The following ATP1B3 variants were observed in gnomAD, a reference collection of about 807,000 sequenced individuals.
The protein encoded by ATP1B3 is ATPase Na+/K+ transporting subunit beta 3.
A neutral mutation model predicts 30.2 loss-of-function variants in ATP1B3; 10 were observed. The ratio of observed to expected loss-of-function variants is 0.33; its 90% CI spans 0.20 to 0.56. The LOEUF (loss-of-function observed/expected upper bound fraction) is 0.56, where lower values mean the gene tolerates loss of function less well. ATP1B3 is among the 20% of genes least tolerant of loss of function. The probability of loss-of-function intolerance (pLI) is 0.90; values close to 1 mark genes in which losing one functional copy is unlikely to be tolerated. For missense variants in ATP1B3, 238 were observed against 336.7 expected (o/e 0.71, Z 2.29); for synonymous variants, 113 against 117.0 (o/e 0.97, Z 0.22).
intron 6 of ATP1B3, among the ~76,000 whole-genome samples, chr3:141,923,990 T>C (rs1295814023): frequency 2.6e-5 from 4 of 152,090 alleles, no homozygotes. Context: ...ATGAGCGAGG[T>C]TTCTACAATA....
chr3:141,888,925 C>G (rs561201729), intron 1 of ATP1B3, among the ~76,000 whole-genome samples: 1 of 152,132 alleles, frequency 6.6e-6, no homozygotes, highest in African/African-American at 2.4e-5. Context: ...TATAAATTAT[C>G]CAGTCTCTGA....
intron 1 of ATP1B3, among the ~76,000 whole-genome samples, chr3:141,887,308 C>T (rs1369630790): frequency 6.6e-6 from 1 of 152,170 alleles, no homozygotes; most frequent in East Asian, 1.9e-4. Flanking sequence ...GAAATCTGAA[C>T]TGGTCTTAAA....
chr3:141,902,141 C>T (rs763213011), intron 1 of ATP1B3: 46 of 1,289,552 alleles, frequency 3.6e-5, no homozygotes, highest in Non-Finnish European at 3.4e-5. Flanking sequence ...AACAGGATCG[C>T]AGTATGTGGT....
chr3:141,876,877 G>A lies in ATP1B3; in HGVS notation c.76G>A (p.Gly26Arg). The change falls in exon 1 of 7, where the codon GGA (glycine) becomes AGA (arginine). Residue 26 changes from glycine to arginine, a missense_variant. This residue lies in a region of ATP1B3 where 130 missense variants were observed against 148.8 expected (regional missense o/e 0.87). Coordinates refer to ENST00000286371, the MANE Select transcript of ATP1B3 (RefSeq NM_001679.4). ...WKLFIYNPTT[G>R]EFLGRTAKSW... ...GCTCTTCATCTACAACCCGACCACC[G>A]GAGAATTCCTGGGGCGCACCGCCAA... The A allele has an allele frequency of 5.1e-6, 8 of 1,581,784 alleles. No individual in the cohort carries two copies. The highest frequency in any genetic ancestry group is 6.9e-6 in the Non-Finnish European group (8 of 1,164,238).
At chr3:141,912,473 G>C (rs891861761) in intron 3 of ATP1B3, among the ~76,000 whole-genome samples, 4 of 151,960 alleles carry the variant, frequency 2.6e-5, no homozygotes, top group African/African-American at 9.7e-5. Context: ...ATCTTGGCCA[G>C]GCTGGTCTTG....
intron 1 of ATP1B3, among the ~76,000 whole-genome samples, chr3:141,895,314 G>A (rs1003818024): frequency 1.3e-5 from 2 of 150,506 alleles, no homozygotes; most frequent in African/African-American, 2.4e-5. Flanking sequence ...TCAGCCTCCC[G>A]AGTAGCTAGG....
chr3:141,895,268 A>G (rs1005314827), intron 1 of ATP1B3, among the ~76,000 whole-genome samples: 1 of 148,602 alleles, frequency 6.7e-6, no homozygotes, highest in African/African-American at 2.5e-5. Flanking sequence ...AGCTCGCTGC[A>G]ACCTCTGCCT....
At chr3:141,919,394 G>T (rs906235778) in intron 5 of ATP1B3, among the ~76,000 whole-genome samples, 3 of 151,692 alleles carry the variant, frequency 2.0e-5, no homozygotes, top group African/African-American at 7.3e-5. Context: ...TGGAATTACA[G>T]GTGTGAACCA....
chr3:141,899,742 G>T (rs1322426454), intron 1 of ATP1B3, among the ~76,000 whole-genome samples: 2 of 152,150 alleles, frequency 1.3e-5, no homozygotes, highest in African/African-American at 2.4e-5. Context: ...GGTGACACAT[G>T]CCTGTAATCC....
intron 1 of ATP1B3, among the ~76,000 whole-genome samples, chr3:141,886,712 G>C (rs1933841144): frequency 6.6e-6 from 1 of 152,100 alleles, no homozygotes; most frequent in Non-Finnish European, 1.5e-5. Flanking sequence ...AAAGAAAAAA[G>C]TTCAGCCAGA....
chr3:141,877,157 C>T (rs1479523107), intron 1 of ATP1B3, among the ~76,000 whole-genome samples: 2 of 150,960 alleles, frequency 1.3e-5, no homozygotes, highest in African/African-American at 2.4e-5. Context: ...GCTGGTTCCT[C>T]CCTCCCTGCT....
chr3:141,895,784 A>G (rs1201561330), intron 1 of ATP1B3, among the ~76,000 whole-genome samples: 3 of 152,270 alleles, frequency 2.0e-5, no homozygotes, highest in East Asian at 1.9e-4. Flanking sequence ...AAAATTGTCA[A>G]ACTTTTCTTT....
intron 1 of ATP1B3, among the ~76,000 whole-genome samples, chr3:141,889,824 C>T (rs1389407000): frequency 1.5e-5 from 2 of 135,858 alleles, no homozygotes; most frequent in East Asian, 5.5e-4. Context: ...TGTGTATATA[C>T]ATATACATAT....
At chr3:141,912,695 A>T (rs1934388432) in intron 3 of ATP1B3, among the ~76,000 whole-genome samples, 1 of 152,188 alleles carries the variant, frequency 6.6e-6, no homozygotes. Flanking sequence ...GATTAAGTTA[A>T]TTGAGGGCAG....
intron 1 of ATP1B3, among the ~76,000 whole-genome samples, chr3:141,886,490 C>T (rs1933837109): frequency 6.6e-6 from 1 of 152,126 alleles, no homozygotes; most frequent in African/African-American, 2.4e-5. Flanking sequence ...TGGCTCTGCT[C>T]TACTACATTT....
intron 1 of ATP1B3, among the ~76,000 whole-genome samples, chr3:141,897,014 T>A (rs1477730804): frequency 6.6e-6 from 1 of 152,142 alleles, no homozygotes; most frequent in East Asian, 1.9e-4. Context: ...TCCTGTAACC[T>A]TTCACCAACC....
At chr3:141,917,766 ATTTTATTTTT>A (rs1934492723) in intron 5 of ATP1B3, among the ~76,000 whole-genome samples, 1 of 149,234 alleles carries the variant, frequency 6.7e-6, no homozygotes, top group Non-Finnish European at 1.5e-5. Flanking sequence ...TCTTTATTTT[ATTTTATTTTT>A]TTTTTTTTGG....
chr3:141,901,147 C>T (rs770636617), intron 1 of ATP1B3, among the ~76,000 whole-genome samples: 9 of 152,062 alleles, frequency 5.9e-5, no homozygotes, highest in Non-Finnish European at 7.4e-5. Flanking sequence ...AGCTAGGGAA[C>T]GTTAGTAATA....
chr3:141,921,880 G>T, intron 5 of ATP1B3, 97 bp from the exon 6 acceptor site: 1 of 628,682 alleles, frequency 1.6e-6, no homozygotes, highest in Non-Finnish European at 2.7e-6. Flanking sequence ...TGTAGTTTCT[G>T]CAAACTGTTC....
Sources: gnomAD v4.1 joint callset for allele counts (sites outside exome capture counted in the v4.1 genomes callset) on GRCh38, gnomAD v4.1.1 for gene constraint, gnomAD v4.1.1 regional missense constraint, MANE v1.5 for transcripts, NCBI Gene and HGNC (gene_info 2026-07-23, HGNC 2026-07-21) for gene names.